SORCS1: variants seen among roughly 807,000 people sequenced by gnomAD.
SORCS1 encodes the protein VPS10 domain-containing receptor SorCS1.
A neutral mutation model predicts 146.1 loss-of-function variants in SORCS1; 60 were observed. The observed-to-expected ratio is 0.41, with a 90% confidence interval of 0.33 to 0.51. The LOEUF (loss-of-function observed/expected upper bound fraction) is 0.51, where lower values mean the gene tolerates loss of function less well. SORCS1 is among the 20% of genes least tolerant of loss of function. The probability of loss-of-function intolerance (pLI) is 0.21; values close to 1 mark genes in which losing one functional copy is unlikely to be tolerated. For synonymous variants in SORCS1, 637 were observed against 584.0 expected, an observed-to-expected ratio of 1.09 and a Z score of -1.31; for missense variants, 1,352 against 1,487.6, an observed-to-expected ratio of 0.91 and a Z score of 1.50.
chr10:107,154,829 G>A (rs1046005313), intron 1 of SORCS1, among the ~76,000 whole-genome samples: 2 of 152,232 alleles, frequency 1.3e-5, no homozygotes, highest in Non-Finnish European at 1.5e-5. Flanking sequence ...CCGTTAAGAA[G>A]TTATATTATC....
chr10:106,728,039 C>CT (rs35537769), intron 6 of SORCS1, among the ~76,000 whole-genome samples: 62,791 of 148,934 alleles, frequency 0.42, 13,059 homozygotes, highest in South Asian at 0.46. Context: ...GTAAGCAAGA[C>CT]TTTTTTTTTT....
intron 1 of SORCS1, among the ~76,000 whole-genome samples, chr10:107,041,804 T>C (rs1405641881): frequency 1.3e-5 from 2 of 152,206 alleles, no homozygotes; most frequent in African/African-American, 4.8e-5. Context: ...CATGTGTCTC[T>C]GTTTCCTAGA....
chr10:106,897,239 G>T (rs1951524972), intron 2 of SORCS1, among the ~76,000 whole-genome samples: 1 of 151,722 alleles, frequency 6.6e-6, no homozygotes, highest in Non-Finnish European at 1.5e-5. Flanking sequence ...GGAGTGCAGT[G>T]GTGTCATCAC....
intron 2 of SORCS1, among the ~76,000 whole-genome samples, chr10:106,916,846 C>T (rs1243381391): frequency 1.3e-5 from 2 of 152,000 alleles, no homozygotes; most frequent in African/African-American, 4.8e-5. Flanking sequence ...ATCTCCCAGA[C>T]TCAAGCAATT....
chr10:106,652,646 A>G, intron 17 of SORCS1, 93 bp from the exon 18 acceptor site: 1 of 1,402,798 alleles, frequency 7.1e-7, no homozygotes, highest in Non-Finnish European at 9.8e-7. Flanking sequence ...AGCCCTGAGG[A>G]CCATCAGTAA....
chr10:106,593,274 A>AT (rs1249883889), intron 24 of SORCS1, among the ~76,000 whole-genome samples: 2 of 151,294 alleles, frequency 1.3e-5, no homozygotes, highest in Non-Finnish European at 2.9e-5. Context: ...CTATTCAAAT[A>AT]TTTTTTTTCT....
chr10:106,654,969 G>T (rs143777408), intron 17 of SORCS1, among the ~76,000 whole-genome samples: 1 of 151,838 alleles, frequency 6.6e-6, no homozygotes, highest in Non-Finnish European at 1.5e-5. Flanking sequence ...CGATTCTCTC[G>T]CCTCAGCCAT....
At chr10:107,128,994 T>C (rs1966843435) in intron 1 of SORCS1, among the ~76,000 whole-genome samples, 1 of 152,112 alleles carries the variant, frequency 6.6e-6, no homozygotes, top group African/African-American at 2.4e-5. Context: ...AATAAATTAT[T>C]TGCAAAAAAG....
intron 1 of SORCS1, among the ~76,000 whole-genome samples, chr10:107,136,779 C>T (rs916880061): frequency 5.3e-5 from 8 of 152,162 alleles, no homozygotes; most frequent in Non-Finnish European, 1.0e-4. Context: ...TTCAAGCACA[C>T]GCTATGTGAT....
intron 1 of SORCS1, among the ~76,000 whole-genome samples, chr10:106,985,340 AT>A (rs1369302925): frequency 6.6e-6 from 1 of 152,112 alleles, no homozygotes; most frequent in Non-Finnish European, 1.5e-5. Flanking sequence ...TTGATTTGAA[AT>A]TACGAAGTGT....
Position 106,761,643 on chromosome 10 carries a change from A to G in SORCS1, c.904T>C (p.Phe302Leu), listed in dbSNP as rs2136252141. 6.2e-7 allele frequency: 1 copy of G among 1,614,182 alleles called. No individual in the cohort carries two copies. The highest frequency in any genetic ancestry group is 8.5e-7 in the Non-Finnish European group (1 of 1,180,012). The change falls in exon 5 of 26, where the codon TTT becomes CTT. Residue 302 changes from phenylalanine to leucine, a missense_variant. Phe to Leu is a conservative substitution (Grantham distance 22). Around this residue, in one of 3 missense-constraint regions of SORCS1, gnomAD observed 490 missense variants for 489.1 expected, o/e 1.00. Coordinates refer to ENST00000263054, the MANE Select transcript of SORCS1 (RefSeq NM_052918.5). ...TGGATAAGCTGCCATCTTCTCCCAAATTCAGCAGAGCTGTATAACTGTAAA... is the reference window on the plus strand; with the variant it reads ...TGGATAAGCTGCCATCTTCTCCCAAGTTCAGCAGAGCTGTATAACTGTAAA... ...QDQKLYSSAEFGRRWQLIQEG... is the reference protein window; with the variant it reads ...QDQKLYSSAELGRRWQLIQEG...
At chr10:107,162,097 G>C (rs567560556) in intron 1 of SORCS1, among the ~76,000 whole-genome samples, 3 of 152,232 alleles carry the variant, frequency 2.0e-5, no homozygotes, top group African/African-American at 7.2e-5. Context: ...TTTAATGCTG[G>C]CAGTGCTTGG....
chr10:106,822,213 G>T (rs555199582), intron 3 of SORCS1, among the ~76,000 whole-genome samples: 1 of 152,106 alleles, frequency 6.6e-6, no homozygotes, highest in Non-Finnish European at 1.5e-5. Context: ...TAAGAGTGTA[G>T]TTTTATTAGC....
intron 2 of SORCS1, among the ~76,000 whole-genome samples, chr10:106,882,648 TACACACGCACAC>T (rs1480963951): frequency 6.6e-6 from 1 of 152,040 alleles, no homozygotes. Flanking sequence ...AACCTGAGAT[TACACACGCACAC>T]TCACACTCAC....
At chr10:106,915,787 G>C (rs1952392137) in intron 2 of SORCS1, among the ~76,000 whole-genome samples, 1 of 152,186 alleles carries the variant, frequency 6.6e-6, no homozygotes, top group Non-Finnish European at 1.5e-5. Context: ...CCCCCTTCCA[G>C]TTTGTTGCAC....
chr10:106,977,101 G>T (rs1168720808), intron 1 of SORCS1, among the ~76,000 whole-genome samples: 4 of 152,150 alleles, frequency 2.6e-5, no homozygotes, highest in Admixed American at 2.6e-4. Flanking sequence ...CTAGATCCCT[G>T]AGGAATCACC....
intron 1 of SORCS1, among the ~76,000 whole-genome samples, chr10:107,123,016 T>C (rs1268635311): frequency 1.3e-5 from 2 of 148,320 alleles, no homozygotes; most frequent in Non-Finnish European, 3.0e-5. Context: ...ACCCACAATT[T>C]CCCCTTTCTT....
intron 1 of SORCS1, among the ~76,000 whole-genome samples, chr10:107,079,848 T>C (rs1428593338): frequency 6.6e-6 from 1 of 152,156 alleles, no homozygotes; most frequent in East Asian, 1.9e-4. Flanking sequence ...ATAATTAAGG[T>C]ATCTTGGATG....
chr10:106,966,669 G>A (rs1290334107), intron 1 of SORCS1, among the ~76,000 whole-genome samples: 3 of 152,158 alleles, frequency 2.0e-5, no homozygotes, highest in Admixed American at 1.3e-4. Flanking sequence ...GAGAGCCCTC[G>A]TGAAGAGCAA....
Sources: gnomAD v4.1 joint callset for allele counts (sites outside exome capture counted in the v4.1 genomes callset) on GRCh38, gnomAD v4.1.1 for gene constraint, gnomAD v4.1.1 regional missense constraint, MANE v1.5 for transcripts, NCBI Gene and HGNC (gene_info 2026-07-23, HGNC 2026-07-21) for gene names.